PSMG2: variants seen among roughly 807,000 people sequenced by gnomAD.
PSMG2 encodes the protein CD40 ligand-activated specific transcript 3.
PSMG2 carries 21 observed loss-of-function variants against 31.5 expected under a neutral mutation model. That is an observed-to-expected ratio of 0.67 (90% CI 0.47 to 0.96). PSMG2 has a LOEUF of 0.96. Ranked by LOEUF, PSMG2 falls within the 40% of genes least tolerant of loss-of-function variation. The probability of loss-of-function intolerance (pLI) is 0.00; values close to 1 mark genes in which losing one functional copy is unlikely to be tolerated. For synonymous variants in PSMG2, 120 were observed against 110.4 expected, an observed-to-expected ratio of 1.09 and a Z score of -0.54; for missense variants, 318 against 321.2, an observed-to-expected ratio of 0.99 and a Z score of 0.08.
In PSMG2 at chr18:12,718,504, A is replaced by G. The variant is rs200146997; in HGVS notation, c.289-13A>G. 70 of 1,544,558 alleles carry G rather than the reference A, an allele frequency of 4.5e-5. No individual in the cohort carries two copies. Among genetic ancestry groups the G allele is most frequent in the Non-Finnish European group, 5.6e-5 (63 of 1,128,340 alleles). On this transcript the variant is annotated splice_polypyrimidine_tract_variant and intron_variant, in intron 3 of 6. Transcript: ENST00000317615. ...TTTAGATTTTCTTTTTATTCTCTCAATGGTGTGCAAAGTATAAATCAAAGC... is the reference window on the plus strand; with the variant it reads ...TTTAGATTTTCTTTTTATTCTCTCAGTGGTGTGCAAAGTATAAATCAAAGC...
chr18:12,722,091 TCTGCACTCCCA>T (rs2145152317), intron 5 of PSMG2, among the ~76,000 whole-genome samples: 1 of 152,314 alleles, frequency 6.6e-6, no homozygotes, highest in South Asian at 2.1e-4. Flanking sequence ...GGAAGTTGCG[TCTGCACTCCCA>T]CTGCACTCCA....
intron 4 of PSMG2, among the ~76,000 whole-genome samples, chr18:12,719,738 TTTCTCAGTTGCCCAG>T (rs1260494236): frequency 1.4e-5 from 2 of 145,632 alleles, no homozygotes; most frequent in Non-Finnish European, 3.0e-5. Context: ...AGACGGAGTC[TTTCTCAGTTGCCCAG>T]TTCTCAGTTG....
chr18:12,719,334 C>G (rs1250905749), intron 4 of PSMG2, among the ~76,000 whole-genome samples: 1 of 152,170 alleles, frequency 6.6e-6, no homozygotes, highest in African/African-American at 2.4e-5. Context: ...CTATCATTAC[C>G]ACATAAAGTT....
upstream of PSMG2, chr18:12,702,525 G>A (rs1226404905): frequency 4.4e-5 from 70 of 1,609,020 alleles, no homozygotes; most frequent in Middle Eastern, 1.7e-4. Flanking sequence ...TCAGCTCGGA[G>A]GCTTTCTCCG....
At chr18:12,700,924 A>G (rs2040128354), upstream of PSMG2, 7 of 1,450,410 alleles carry the variant, frequency 4.8e-6, no homozygotes, top group South Asian at 1.2e-5. Context: ...ATATACATAT[A>G]TACTCTCATT....
At chr18:12,668,234 C>G (rs1003897550) in intron 1 of PSMG2, among the ~76,000 whole-genome samples, 7 of 151,950 alleles carry the variant, frequency 4.6e-5, no homozygotes, top group African/African-American at 1.7e-4. Context: ...CACTGCACTC[C>G]AGACTGGGCA....
chr18:12,717,875 T>A (rs1297823111), intron 3 of PSMG2, among the ~76,000 whole-genome samples: 1 of 152,200 alleles, frequency 6.6e-6, no homozygotes, highest in Non-Finnish European at 1.5e-5. Context: ...CCTTCACAGA[T>A]GACCATGTAT....
At chr18:12,695,242 A>C (rs776776734) in intron 1 of PSMG2, 22 of 1,241,388 alleles carry the variant, frequency 1.8e-5, no homozygotes, top group East Asian at 7.3e-5. Flanking sequence ...AGAGAAACTC[A>C]TAAGTATTTA....
At chr18:12,714,238 C>T (rs534125143) in intron 3 of PSMG2, among the ~76,000 whole-genome samples, 8 of 152,160 alleles carry the variant, frequency 5.3e-5, no homozygotes, top group East Asian at 3.9e-4. Flanking sequence ...GCAGGAGCCC[C>T]ATATGCAAAA....
At chr18:12,724,315 A>T in intron 5 of PSMG2, 184 bp from the exon 6 acceptor site, 1 of 532,338 alleles carries the variant, frequency 1.9e-6, no homozygotes, top group African/African-American at 2.0e-5. Flanking sequence ...TGGGTGTTAC[A>T]GGGGCCTGCT....
intron 1 of PSMG2, among the ~76,000 whole-genome samples, chr18:12,676,279 CTTTTTTTTTTTT>C (rs1157897766): frequency 9.4e-6 from 1 of 106,406 alleles, no homozygotes; most frequent in Non-Finnish European, 1.9e-5. Context: ...ACAGTAATTC[CTTTTTTTTTTTT>C]TTTTTTTTTT....
intron 1 of PSMG2, among the ~76,000 whole-genome samples, chr18:12,668,354 A>T (rs966173035): frequency 6.6e-6 from 1 of 151,784 alleles, no homozygotes; most frequent in African/African-American, 2.4e-5. Context: ...CACTTTGGGA[A>T]CCCGAGGTGG....
upstream of PSMG2, chr18:12,702,717 T>A (rs989811985): frequency 2.9e-6 from 2 of 695,686 alleles, no homozygotes; most frequent in Non-Finnish European, 4.6e-6. Context: ...GGGGCTGACC[T>A]GGAAATGAGG....
At chr18:12,663,784 GAGAC>G (rs936113903) in intron 1 of PSMG2, among the ~76,000 whole-genome samples, 5 of 152,196 alleles carry the variant, frequency 3.3e-5, no homozygotes, top group Admixed American at 1.3e-4. Context: ...TATGTGTAGA[GAGAC>G]AGAATCTCAT....
At chr18:12,705,128 G>C (rs964925964) in intron 1 of PSMG2, among the ~76,000 whole-genome samples, 2 of 151,594 alleles carry the variant, frequency 1.3e-5, no homozygotes, top group Non-Finnish European at 2.9e-5. Context: ...GCAATGGCAC[G>C]ATCTTGGCTC....
At chr18:12,720,836 C>T (rs1254572291) in intron 5 of PSMG2, among the ~76,000 whole-genome samples, 153 bp downstream of exon 5, 1 of 151,158 alleles carries the variant, frequency 6.6e-6, no homozygotes, top group East Asian at 2.0e-4. Context: ...AAAATTAAGT[C>T]AGAGAATGTA....
chr18:12,679,698 A>G (rs541994797), intron 1 of PSMG2, among the ~76,000 whole-genome samples: 2 of 152,244 alleles, frequency 1.3e-5, no homozygotes, highest in South Asian at 4.1e-4. Flanking sequence ...TGGTAACCAC[A>G]TCAAATTTTA....
chr18:12,673,994 C>CA (rs2039028410), intron 1 of PSMG2, among the ~76,000 whole-genome samples: 1 of 152,146 alleles, frequency 6.6e-6, no homozygotes, highest in Non-Finnish European at 1.5e-5. Context: ...CAAACAAAAT[C>CA]AGAGATACCT....
chr18:12,663,053 A>G (rs1598601447), intron 1 of PSMG2, among the ~76,000 whole-genome samples: 1 of 152,224 alleles, frequency 6.6e-6, no homozygotes, highest in East Asian at 1.9e-4. Context: ...TTTTAGGCCA[A>G]GCCACTATTT....
Sources: gnomAD v4.1 joint callset for allele counts (sites outside exome capture counted in the v4.1 genomes callset) on GRCh38, gnomAD v4.1.1 for gene constraint, MANE v1.5 for transcripts, NCBI Gene and HGNC (gene_info 2026-07-23, HGNC 2026-07-21) for gene names.